Variants in EYS observed in about 807,000 individuals in gnomAD.
EYS encodes the protein EGF-like photoreceptor maintenance factor, also known as protein eyes shut homolog.
EYS carries 250 observed loss-of-function variants against 282.1 expected under a neutral mutation model. That is an observed-to-expected ratio of 0.89 (90% CI 0.80 to 0.98). EYS has a LOEUF of 0.98. Ranked by LOEUF, EYS falls within the 50% of genes least tolerant of loss-of-function variation. EYS has a pLI of 0.00. For missense variants in EYS, 4,016 were observed against 3,709.0 expected, an observed-to-expected ratio of 1.08 and a Z score of -2.15; for synonymous variants, 1,355 against 1,282.9, an observed-to-expected ratio of 1.06 and a Z score of -1.20.
intron 12 of EYS, among the ~76,000 whole-genome samples, chr6:65,274,019 G>T (rs1767975017): frequency 6.6e-6 from 1 of 152,118 alleles, no homozygotes; most frequent in Non-Finnish European, 1.5e-5. Flanking sequence ...GGGGCTTATG[G>T]AGGTCAGGTG....
intron 31 of EYS, among the ~76,000 whole-genome samples, chr6:64,187,013 G>A (rs1764965554): frequency 6.6e-6 from 1 of 151,944 alleles, no homozygotes; most frequent in Admixed American, 6.6e-5. Flanking sequence ...CAAATGCATA[G>A]TTTTTTTTCC....
At chr6:65,474,811 A>T (rs984753051) in intron 5 of EYS, among the ~76,000 whole-genome samples, 2 of 152,130 alleles carry the variant, frequency 1.3e-5, no homozygotes, top group African/African-American at 2.4e-5. Flanking sequence ...GATGACCAGT[A>T]AAAACTTTGA....
rs372138609 is a variant in EYS, at chr6:64,363,143, A to G, written c.6078+25547T>C. Among the ~76,000 whole-genome samples, 188 of 151,724 alleles carry G rather than the reference A, an allele frequency of 1.2e-3. 5 individuals carry two copies. The South Asian group carries it at 0.037, about 30-fold the overall frequency. Reference sequence around the variant, plus strand: ...TAGACTTTCTTTTCTTCAATTCTTAACTGATATAATCCTGCAATATTCTCA... The same window carrying G: ...TAGACTTTCTTTTCTTCAATTCTTAGCTGATATAATCCTGCAATATTCTCA... On this transcript the variant is annotated intron_variant, in intron 29 of 42. Transcript: ENST00000503581.
chr6:65,474,229 T>C (rs1179081917), intron 5 of EYS, among the ~76,000 whole-genome samples: 1 of 152,072 alleles, frequency 6.6e-6, no homozygotes, highest in African/African-American at 2.4e-5. Flanking sequence ...AATGCAACTG[T>C]TAGCTTAGAG....
At chr6:63,823,187 C>T (rs1436832708) in intron 36 of EYS, among the ~76,000 whole-genome samples, 4 of 151,896 alleles carry the variant, frequency 2.6e-5, no homozygotes, top group African/African-American at 9.7e-5. Context: ...TTACCTTTTT[C>T]TCCCCCCTAC....
At chr6:63,977,899 C>T (rs939078834) in intron 35 of EYS, among the ~76,000 whole-genome samples, 1 of 152,008 alleles carries the variant, frequency 6.6e-6, no homozygotes, top group African/African-American at 2.4e-5. Flanking sequence ...CATTCCTTCC[C>T]CACTCTAAAT....
intron 2 of EYS, among the ~76,000 whole-genome samples, chr6:65,558,193 C>A (rs1173445661): frequency 6.6e-6 from 1 of 152,214 alleles, no homozygotes; most frequent in African/African-American, 2.4e-5. Flanking sequence ...GCTGTCTGTG[C>A]CAAGGGGCAA....
chr6:64,732,601 C>T (rs6899739), intron 22 of EYS, among the ~76,000 whole-genome samples: 2,915 of 151,768 alleles, frequency 0.019, 80 homozygotes, highest in African/African-American at 0.064. Flanking sequence ...TACTGTATAC[C>T]TAGTGGCGTA....
At chr6:64,052,617 T>C (rs1405775826) in intron 33 of EYS, among the ~76,000 whole-genome samples, 1 of 152,158 alleles carries the variant, frequency 6.6e-6, no homozygotes, top group Admixed American at 6.6e-5. Context: ...TAATAGAATG[T>C]TATGGCTTGA....
At chr6:64,800,095 G>T (rs1203980878) in intron 22 of EYS, among the ~76,000 whole-genome samples, 1 of 151,960 alleles carries the variant, frequency 6.6e-6, no homozygotes, top group African/African-American at 2.4e-5. Context: ...TGGATAAAGA[G>T]AAATCAAAAT....
At chr6:65,378,195 C>G (rs1395088605) in intron 8 of EYS, among the ~76,000 whole-genome samples, 2 of 152,066 alleles carry the variant, frequency 1.3e-5, no homozygotes, top group Non-Finnish European at 2.9e-5. Flanking sequence ...AAGACAAAAA[C>G]AATCAACCTC....
At chr6:63,948,400 G>A (rs1476723016) in intron 35 of EYS, among the ~76,000 whole-genome samples, 4 of 152,200 alleles carry the variant, frequency 2.6e-5, no homozygotes, top group Non-Finnish European at 4.4e-5. Context: ...TCAGAAATAT[G>A]AGACAAGTGC....
At chr6:65,456,950 C>A (rs1764641075) in intron 5 of EYS, among the ~76,000 whole-genome samples, 1 of 152,082 alleles carries the variant, frequency 6.6e-6, no homozygotes, top group Non-Finnish European at 1.5e-5. Context: ...GACGTTAGTG[C>A]TACTTACCAT....
chr6:65,556,504 T>C (rs1018803700), intron 2 of EYS, among the ~76,000 whole-genome samples: 3 of 152,026 alleles, frequency 2.0e-5, no homozygotes, highest in Non-Finnish European at 4.4e-5. Flanking sequence ...TTAAAGTCCA[T>C]GTAAGAGAGA....
chr6:64,295,434 AG>A (rs1768905520), intron 30 of EYS, among the ~76,000 whole-genome samples: 3 of 8,408 alleles, frequency 3.6e-4, no homozygotes, highest in African/African-American at 1.3e-3. Flanking sequence ...GAAGAAGAAG[AG>A]GAAGAAGAGG....
intron 5 of EYS, among the ~76,000 whole-genome samples, chr6:65,458,363 G>A (rs534150893): frequency 1.1e-4 from 16 of 152,094 alleles, no homozygotes; most frequent in African/African-American, 3.6e-4. Context: ...AGAAACTACG[G>A]ATTCATCTTT....
intron 2 of EYS, among the ~76,000 whole-genome samples, chr6:65,604,985 A>C (rs868407697): frequency 3.3e-5 from 5 of 150,940 alleles, no homozygotes; most frequent in Middle Eastern, 3.4e-3. Context: ...TTGGGACTAA[A>C]CATATGGCCG....
In EYS at chr6:65,443,473, A is replaced by G. The variant is rs564003256; in HGVS notation, c.863-38106T>C. Among the ~76,000 whole-genome samples the G allele has an allele frequency of 7.3e-5, 11 of 151,070 alleles. 1 individual carries two copies. The highest frequency in any genetic ancestry group is 2.1e-4 in the South Asian group (1 of 4,796). ...ATGTACATATACGCCATACACATGCACATATATACACATATGCGCATATAC... is the reference window on the plus strand; with the variant it reads ...ATGTACATATACGCCATACACATGCGCATATATACACATATGCGCATATAC... On this transcript the variant is annotated intron_variant, in intron 5 of 42. Transcript: ENST00000503581.
chr6:64,536,215 A>G (rs1380668819), intron 26 of EYS, among the ~76,000 whole-genome samples: 2 of 152,178 alleles, frequency 1.3e-5, no homozygotes, highest in African/African-American at 2.4e-5. Context: ...ATTATTCTGT[A>G]TGAATAAACT....
Sources: allele counts gnomAD v4.1 joint callset (sites outside exome capture counted in the v4.1 genomes callset), GRCh38; gene constraint gnomAD v4.1.1; transcripts MANE v1.5; gene names NCBI Gene and HGNC (gene_info 2026-07-23, HGNC 2026-07-21).